The following CFAP54 variants were observed in gnomAD, a reference collection of about 807,000 sequenced individuals.
CFAP54 encodes cilia and flagella associated protein 54, also known as cilia- and flagella-associated protein 54.
A neutral mutation model predicts 370.4 loss-of-function variants in CFAP54; 290 were observed. The ratio of observed to expected loss-of-function variants is 0.78; its 90% CI spans 0.71 to 0.86. CFAP54 has a LOEUF of 0.86. Ranked by LOEUF, CFAP54 falls within the 40% of genes least tolerant of loss-of-function variation. The pLI is 0.00. For synonymous variants in CFAP54, 1,206 were observed against 1,236.5 expected, an observed-to-expected ratio of 0.98 and a Z score of 0.52; for missense variants, 3,399 against 3,528.7, an observed-to-expected ratio of 0.96 and a Z score of 0.93.
rs541792688 is a variant in CFAP54 at position 96,567,015 on chromosome 12, C to T, written c.2619+2250C>T. On this transcript the variant is annotated intron_variant, in intron 19 of 67. Coordinates refer to ENST00000524981, the MANE Select transcript of CFAP54 (RefSeq NM_001306084.2). The stretch of plus-strand genomic sequence containing the variant: ...GCTAGGGAAAATTAACAGGGGAGTA[C>T]CTAACTCAATAGTGGGGAATGTTTA... 2.6e-5 allele frequency among the ~76,000 whole-genome samples: 4 copies of T among 152,182 alleles called. 1 individual carries two copies. Among genetic ancestry groups the T allele is most frequent in the African/African-American group, 9.6e-5 (4 of 41,508 alleles).
At chr12:96,709,842 T>C (rs1271200517) in intron 48 of CFAP54, among the ~76,000 whole-genome samples, 1 of 151,994 alleles carries the variant, frequency 6.6e-6, no homozygotes, top group East Asian at 1.9e-4. Context: ...TGCCTCAGCC[T>C]CCCAAGTAAT....
At chr12:96,643,912 G>T (rs1956761899) in intron 32 of CFAP54, among the ~76,000 whole-genome samples, 1 of 152,042 alleles carries the variant, frequency 6.6e-6, no homozygotes, top group East Asian at 1.9e-4. Flanking sequence ...TAAAAGCTCT[G>T]GTTGGTTTTA....
chr12:96,582,567 G>C (rs1956042379), intron 22 of CFAP54, among the ~76,000 whole-genome samples: 1 of 152,036 alleles, frequency 6.6e-6, no homozygotes, highest in African/African-American at 2.4e-5. Context: ...CTGATGTTTT[G>C]GTATCTTTGG....
intron 64 of CFAP54, among the ~76,000 whole-genome samples, chr12:96,812,452 T>C (rs910393960): frequency 6.6e-6 from 1 of 152,154 alleles, no homozygotes. Flanking sequence ...AATTTCCCTG[T>C]TGTTGTTTTT....
In CFAP54 at chr12:96,608,185, C is replaced by A. The variant is rs557740658; in HGVS notation, c.3639+9418C>A. Among the ~76,000 whole-genome samples the A allele has an allele frequency of 1.1e-4, 17 of 151,988 alleles. No homozygotes were observed. In the South Asian group the frequency reaches 3.5e-3, roughly 32 times the overall value. On this transcript the variant is annotated intron_variant, in intron 26 of 67. Transcript: ENST00000524981. ...GGATTCTTTAAAGAGAAGAGTCATTCTTGAAAGAAAAATTTATTAGTAACC... is the reference window on the plus strand; with the variant it reads ...GGATTCTTTAAAGAGAAGAGTCATTATTGAAAGAAAAATTTATTAGTAACC...
chr12:96,654,132 A>G (rs750009606), intron 36 of CFAP54, among the ~76,000 whole-genome samples: 9 of 152,194 alleles, frequency 5.9e-5, no homozygotes, highest in Non-Finnish European at 1.2e-4. Context: ...AAAATTCCAG[A>G]CCCACAATAT....
chr12:96,702,787 G>A (rs1008321970), intron 46 of CFAP54, among the ~76,000 whole-genome samples: 3 of 152,120 alleles, frequency 2.0e-5, no homozygotes, highest in Admixed American at 1.3e-4. Flanking sequence ...TAAAATAGGT[G>A]CCAATGTTAT....
chr12:96,859,518 G>T (rs1959811289), intron 66 of CFAP54, among the ~76,000 whole-genome samples: 2 of 152,026 alleles, frequency 1.3e-5, no homozygotes, highest in South Asian at 2.1e-4. Context: ...CAATTCTCCT[G>T]CCTCAGCCTT....
In CFAP54 at chr12:96,630,545, A is replaced by G; in HGVS notation, c.4216-6A>G. 7.2e-7 allele frequency: 1 copy of G among 1,381,482 alleles called. No individual in the cohort carries two copies. Among genetic ancestry groups the G allele is most frequent in the Non-Finnish European group, 9.6e-7 (1 of 1,037,810 alleles). The allele number at this position is 1,381,482 out of a possible 1,614,324, so 85.6% of individuals were successfully genotyped here. ...TAACTTGTAACATTTTATCTCCTCTATTAAGAGTGCAGAAATGCAACAAAG... is the reference window on the plus strand; with the variant it reads ...TAACTTGTAACATTTTATCTCCTCTGTTAAGAGTGCAGAAATGCAACAAAG... On this transcript the variant is annotated splice_polypyrimidine_tract_variant and splice_region_variant and intron_variant, in intron 31 of 67. Coordinates refer to ENST00000524981, the MANE Select transcript of CFAP54 (RefSeq NM_001306084.2).
At position 96,541,442 on chromosome 12, in the gene CFAP54, T is replaced by C. The variant is rs574682955; in HGVS notation, c.2077+455T>C. On this transcript the variant is annotated intron_variant, in intron 14 of 67. Coordinates refer to ENST00000524981, the MANE Select transcript of CFAP54 (RefSeq NM_001306084.2). ...CTGGGATTACAGGTGCTGGCCACCATGCCTGGCTAATTTTTGTATTTTTAG... is the reference window on the plus strand; with the variant it reads ...CTGGGATTACAGGTGCTGGCCACCACGCCTGGCTAATTTTTGTATTTTTAG... Among the ~76,000 whole-genome samples the C allele has an allele frequency of 2.5e-3, 379 of 152,078 alleles. 1 individual carries two copies. Among genetic ancestry groups the C allele is most frequent in the African/African-American group, 8.7e-3 (363 of 41,488 alleles).
chr12:96,795,027 C>A (rs1414487067), intron 63 of CFAP54, among the ~76,000 whole-genome samples: 2 of 152,166 alleles, frequency 1.3e-5, no homozygotes, highest in Non-Finnish European at 2.9e-5. Flanking sequence ...TCTAGGCACC[C>A]ATCGAAGCTA....
rs980425878 is a variant in CFAP54, at chr12:96,823,456, G to A, written c.9096+5543G>A. 2.6e-5 allele frequency among the ~76,000 whole-genome samples: 4 copies of A among 152,120 alleles called. No homozygotes were observed. In the South Asian group the frequency reaches 6.2e-4, roughly 24 times the overall value. ...GTGGAGAAAACTCATTCCAGACTGTGGATACAGCAAGAGATGAGATATGAA... is the reference window on the plus strand; with the variant it reads ...GTGGAGAAAACTCATTCCAGACTGTAGATACAGCAAGAGATGAGATATGAA... On this transcript the variant is annotated intron_variant, in intron 65 of 67. Coordinates refer to ENST00000524981, the MANE Select transcript of CFAP54 (RefSeq NM_001306084.2).
intron 8 of CFAP54, among the ~76,000 whole-genome samples, chr12:96,523,998 C>T (rs1343902271): frequency 2.0e-5 from 3 of 151,558 alleles, no homozygotes; most frequent in Admixed American, 6.6e-5. Flanking sequence ...CTTTTTATAA[C>T]GTCATCCTAT....
At chr12:96,666,639 G>A (rs1009813995) in intron 39 of CFAP54, among the ~76,000 whole-genome samples, 1 of 152,074 alleles carries the variant, frequency 6.6e-6, no homozygotes, top group Non-Finnish European at 1.5e-5. Flanking sequence ...AGAACAACAT[G>A]GGAAAATCCA....
At chr12:96,719,053 CAAA>C (rs1957718564) in intron 49 of CFAP54, among the ~76,000 whole-genome samples, 1 of 151,326 alleles carries the variant, frequency 6.6e-6, no homozygotes, top group Admixed American at 6.6e-5. Flanking sequence ...AAAAAAACAA[CAAA>C]GAAACATGAT....
chr12:96,515,638 TA>T (rs1955221835), intron 5 of CFAP54, among the ~76,000 whole-genome samples: 1 of 152,134 alleles, frequency 6.6e-6, no homozygotes, highest in Admixed American at 6.6e-5. Context: ...TGTTATAGCC[TA>T]AGACGGAAGG....
chr12:96,513,522 C>T (rs1055814089), intron 5 of CFAP54, among the ~76,000 whole-genome samples: 4 of 152,226 alleles, frequency 2.6e-5, no homozygotes, highest in Non-Finnish European at 4.4e-5. Flanking sequence ...TGGCAGATCA[C>T]TTGAGGCCAG....
intron 17 of CFAP54, among the ~76,000 whole-genome samples, chr12:96,560,410 G>A (rs1335896975): frequency 6.6e-6 from 1 of 151,982 alleles, no homozygotes; most frequent in Non-Finnish European, 1.5e-5. Context: ...TGCCATAATT[G>A]TTCCCAAATA....
At chr12:96,867,829 A>G (rs959128393) in intron 67 of CFAP54, among the ~76,000 whole-genome samples, 24 of 152,216 alleles carry the variant, frequency 1.6e-4, no homozygotes, top group African/African-American at 5.8e-4. Flanking sequence ...GTTCTATTGC[A>G]CAAAATAATG....
Sources: gnomAD v4.1 joint callset for allele counts (sites outside exome capture counted in the v4.1 genomes callset) on GRCh38, gnomAD v4.1.1 for gene constraint, MANE v1.5 for transcripts, NCBI Gene and HGNC (gene_info 2026-07-23, HGNC 2026-07-21) for gene names.